Variants in ZYG11A observed in about 807,000 individuals in gnomAD.
ZYG11A encodes zyg-11 family member A, cell cycle regulator, also known as protein zyg-11 homolog A.
A neutral mutation model predicts 77.2 loss-of-function variants in ZYG11A; 62 were observed. That is an observed-to-expected ratio of 0.80 (90% CI 0.65 to 0.99). ZYG11A has a LOEUF of 0.99. ZYG11A is among the 50% of genes least tolerant of loss of function. The pLI, the probability that ZYG11A is intolerant of heterozygous loss-of-function variation, is 0.00. For missense variants in ZYG11A, 828 were observed against 896.8 expected, an observed-to-expected ratio of 0.92 and a Z score of 0.98; for synonymous variants, 315 against 324.6, an observed-to-expected ratio of 0.97 and a Z score of 0.32.
chr1:52,883,734 T>C (rs144570527), intron 11 of ZYG11A, among the ~76,000 whole-genome samples: 89 of 151,978 alleles, frequency 5.9e-4, no homozygotes, highest in African/African-American at 2.1e-3. Context: ...GCCTAATTTT[T>C]AAGTTTTCCT....
intron 1 of ZYG11A, among the ~76,000 whole-genome samples, chr1:52,849,134 C>T (rs1369776115): frequency 6.6e-6 from 1 of 151,710 alleles, no homozygotes; most frequent in Non-Finnish European, 1.5e-5. Context: ...CGTGATCTCA[C>T]CTCACTGTAA....
intron 4 of ZYG11A, among the ~76,000 whole-genome samples, chr1:52,863,128 AGC>A (rs1645961500): frequency 1.3e-5 from 2 of 152,114 alleles, no homozygotes; most frequent in East Asian, 3.9e-4. Context: ...AAATCAATTT[AGC>A]AATATACAAA....
At chr1:52,868,491 A>C (rs567053870) in intron 8 of ZYG11A, among the ~76,000 whole-genome samples, 1 of 152,316 alleles carries the variant, frequency 6.6e-6, no homozygotes, top group African/African-American at 2.4e-5. Context: ...TAAAAAATTT[A>C]TATCACTGGG....
In ZYG11A at chr1:52,877,602, G is replaced by A. The variant is rs549143752; in HGVS notation, c.1543-80G>A. The stretch of plus-strand genomic sequence containing the variant: ...TGGGTTTAGAACCGAGGTTTGATGC[G>A]TCTTAACATTGCTTTCCTTATACCG... On this transcript the variant is annotated intron_variant, in intron 8 of 13. Coordinates refer to ENST00000371528, the MANE Select transcript of ZYG11A (RefSeq NM_001004339.3). 2.9e-5 allele frequency: 37 copies of A among 1,280,638 alleles called. No individual in the cohort carries two copies. In the Middle Eastern group the frequency reaches 7.7e-4, roughly 27 times the overall value. 79.3% of individuals were successfully genotyped at this position (1,280,638 alleles called of 1,614,324 possible).
intron 10 of ZYG11A, among the ~76,000 whole-genome samples, chr1:52,879,042 C>T (rs1646316570): frequency 6.7e-6 from 1 of 148,162 alleles, no homozygotes. Flanking sequence ...CTTTACTATA[C>T]TACTTCTTTA....
chr1:52,844,279 C>A (rs892999298), intron 1 of ZYG11A, among the ~76,000 whole-genome samples: 16 of 152,208 alleles, frequency 1.1e-4, no homozygotes, highest in African/African-American at 3.9e-4. Flanking sequence ...TGTTGGAAGA[C>A]TTTGTGCCCT....
chr1:52,870,352 G>C (rs1385731979), intron 8 of ZYG11A, among the ~76,000 whole-genome samples: 1 of 151,378 alleles, frequency 6.6e-6, no homozygotes, highest in Non-Finnish European at 1.5e-5. Flanking sequence ...TGGTGGCCGG[G>C]CAGAGACGCT....
intron 11 of ZYG11A, among the ~76,000 whole-genome samples, chr1:52,883,197 A>G (rs987960815): frequency 2.7e-5 from 4 of 148,152 alleles, no homozygotes; most frequent in Non-Finnish European, 4.5e-5. Context: ...GCTCACTGCA[A>G]CCTCCGCCTC....
At chr1:52,880,861 G>T (rs950472985) in intron 10 of ZYG11A, among the ~76,000 whole-genome samples, 1 of 152,198 alleles carries the variant, frequency 6.6e-6, no homozygotes, top group Non-Finnish European at 1.5e-5. Context: ...CACTTTGATT[G>T]CAGCCCTGTG....
intron 13 of ZYG11A, among the ~76,000 whole-genome samples, chr1:52,891,097 A>G (rs913876140): frequency 6.6e-6 from 1 of 151,654 alleles, no homozygotes; most frequent in Non-Finnish European, 1.5e-5. Context: ...AAGGGATTTC[A>G]CCATGTTGGA....
chr1:52,878,215 T>A (rs1646297038), intron 10 of ZYG11A, among the ~76,000 whole-genome samples: 1 of 152,216 alleles, frequency 6.6e-6, no homozygotes, highest in Non-Finnish European at 1.5e-5. Context: ...GTCAGTAGTT[T>A]GAGCTCAGCT....
chr1:52,857,145 T>C lies in ZYG11A; in HGVS notation c.404T>C (p.Val135Ala). Reference protein sequence around the residue: ...HKLIELNATAVHADLPVPDII... With the variant: ...HKLIELNATAAHADLPVPDII... ...CTCATTGAACTGAATGCTACTGCAG[T>C]GCACGCTGACCTCCCAGTTCCAGAC... The change falls in exon 3 of 14, where the codon GTG (valine) becomes GCG (alanine). Residue 135 changes from valine (V) to alanine (A), a missense_variant. Val to Ala is a moderately conservative substitution (Grantham distance 64, BLOSUM62 0). Transcript: ENST00000371528. The C allele has an allele frequency of 6.4e-7, 1 of 1,551,960 alleles. No homozygotes were observed. Among genetic ancestry groups the C allele is most frequent in the East Asian group, 2.4e-5 (1 of 40,922 alleles).
intron 1 of ZYG11A, among the ~76,000 whole-genome samples, chr1:52,844,941 T>C (rs1158620928): frequency 2.0e-5 from 3 of 152,210 alleles, no homozygotes; most frequent in South Asian, 4.1e-4. Flanking sequence ...TTTTTATCCT[T>C]TTAATTTTTT....
At chr1:52,856,046 G>A (rs1645804119) in intron 2 of ZYG11A, among the ~76,000 whole-genome samples, 1 of 152,142 alleles carries the variant, frequency 6.6e-6, no homozygotes. Flanking sequence ...CCAGACTATT[G>A]TTTGTGGCTG....
At chr1:52,844,328 A>T (rs944014609) in intron 1 of ZYG11A, among the ~76,000 whole-genome samples, 2 of 152,180 alleles carry the variant, frequency 1.3e-5, no homozygotes, top group Non-Finnish European at 2.9e-5. Context: ...CTCATTTAGA[A>T]AAGTTATATA....
chr1:52,888,140 A>C (rs1646480968), intron 13 of ZYG11A, among the ~76,000 whole-genome samples: 1 of 152,204 alleles, frequency 6.6e-6, no homozygotes, highest in South Asian at 2.1e-4. Context: ...TTAACAGGTA[A>C]TGAGACATGC....
chr1:52,856,956 A>C, intron 2 of ZYG11A, 42 bp from the exon 3 acceptor site: 1 of 1,472,008 alleles, frequency 6.8e-7, no homozygotes, highest in Non-Finnish European at 9.0e-7. Flanking sequence ...GAAAGACATG[A>C]GATCTAGTTG....
chr1:52,887,710 C>T (rs1364838793), intron 13 of ZYG11A, among the ~76,000 whole-genome samples: 1 of 151,784 alleles, frequency 6.6e-6, no homozygotes, highest in African/African-American at 2.4e-5. Flanking sequence ...AGCAAGACCC[C>T]ACCCATGTTT....
chr1:52,886,904 G>A lies in ZYG11A; in HGVS notation c.2007-52G>A, dbSNP rs12060107. Reference sequence around the variant, plus strand: ...ATAGTACAAATTATTATATCCCTGAGCACTGGCCTAACTGTTCTGGATTAA... The same window carrying A: ...ATAGTACAAATTATTATATCCCTGAACACTGGCCTAACTGTTCTGGATTAA... On this transcript the variant is annotated intron_variant, in intron 12 of 13. Transcript: ENST00000371528. 3.6e-6 allele frequency: 3 copies of A among 836,018 alleles called. No homozygotes were observed. In the East Asian group the frequency reaches 8.4e-5, roughly 23 times the overall value. 51.8% of individuals were successfully genotyped at this position (836,018 alleles called of 1,614,324 possible).
Sources: allele counts gnomAD v4.1 joint callset (sites outside exome capture counted in the v4.1 genomes callset), GRCh38; gene constraint gnomAD v4.1.1; transcripts MANE v1.5; gene names NCBI Gene and HGNC (gene_info 2026-07-23, HGNC 2026-07-21).